The following MIS18A variants were observed in gnomAD, a reference collection of about 807,000 sequenced individuals.
MIS18A encodes protein Mis18-alpha.
A neutral mutation model predicts 25.0 loss-of-function variants in MIS18A; 14 were observed. The observed-to-expected ratio is 0.56, with a 90% CI of 0.37 to 0.88. The LOEUF (loss-of-function observed/expected upper bound fraction) is 0.88, where lower values mean the gene tolerates loss of function less well. MIS18A is among the 40% of genes least tolerant of loss of function. The pLI is 0.00. For synonymous variants in MIS18A, 134 were observed against 118.6 expected, an observed-to-expected ratio of 1.13 and a Z score of -0.84; for missense variants, 292 against 290.8, an observed-to-expected ratio of 1.00 and a Z score of -0.03.
the MIS18A span, among the ~76,000 whole-genome samples, chr21:32,157,521 T>A: frequency 0.062 from 9,104 of 147,080 alleles, 367 homozygotes; most frequent in East Asian, 0.14. Context: ...TATAGTAAAG[T>A]TTTTTTTTGT....
the MIS18A span, among the ~76,000 whole-genome samples, chr21:32,160,922 C>G: frequency 6.6e-6 from 1 of 152,150 alleles, no homozygotes; most frequent in Non-Finnish European, 1.5e-5. Flanking sequence ...TGAGCCCCTG[C>G]GCCCGGCCAG....
At chr21:32,227,457 C>T in the MIS18A span, among the ~76,000 whole-genome samples, 1,663 of 151,524 alleles carry the variant, frequency 0.011, 25 homozygotes, top group African/African-American at 0.037. Flanking sequence ...ATCAGATAAC[C>T]TAGATGAAAC....
the MIS18A span, among the ~76,000 whole-genome samples, chr21:32,171,244 C>G: frequency 6.6e-6 from 1 of 152,016 alleles, no homozygotes; most frequent in African/African-American, 2.4e-5. Context: ...CCTAATGAAT[C>G]TGCAAATAAA....
the MIS18A span, among the ~76,000 whole-genome samples, chr21:32,221,610 T>C: frequency 1.3e-5 from 2 of 151,112 alleles, no homozygotes; most frequent in South Asian, 2.1e-4. Flanking sequence ...CCAGGTGTGG[T>C]GGCTCACACC....
the MIS18A span, among the ~76,000 whole-genome samples, chr21:32,252,254 G>A: frequency 1.9e-5 from 2 of 103,214 alleles, no homozygotes; most frequent in Non-Finnish European, 4.5e-5. Context: ...GGAGGAGGAG[G>A]AGGAGGAGGA....
chr21:32,222,490 T>C, the MIS18A span, among the ~76,000 whole-genome samples: 1 of 152,186 alleles, frequency 6.6e-6, no homozygotes, highest in South Asian at 2.1e-4. Flanking sequence ...AGAATATACA[T>C]TGATCTCAGC....
At chr21:32,277,636 G>A (rs1423855009) in intron 1 of MIS18A, among the ~76,000 whole-genome samples, 1 of 152,036 alleles carries the variant, frequency 6.6e-6, no homozygotes, top group Admixed American at 6.6e-5. Context: ...ATTTTGGCGA[G>A]GCTGATCTGG....
chr21:32,248,540 A>T, the MIS18A span, among the ~76,000 whole-genome samples: 1 of 152,232 alleles, frequency 6.6e-6, no homozygotes, highest in Admixed American at 6.5e-5. Flanking sequence ...ATAGATAAAT[A>T]CGCTGCCTGT....
At chr21:32,257,073 A>G in the MIS18A span, among the ~76,000 whole-genome samples, 1 of 152,192 alleles carries the variant, frequency 6.6e-6, no homozygotes, top group African/African-American at 2.4e-5. Context: ...AGGGGCTGGC[A>G]TCACGGGACT....
the MIS18A span, among the ~76,000 whole-genome samples, chr21:32,202,143 G>T: frequency 6.6e-6 from 1 of 151,838 alleles, no homozygotes; most frequent in Non-Finnish European, 1.5e-5. Flanking sequence ...TAAAAAATTA[G>T]CTGGGCGTGG....
At chr21:32,165,259 G>A in the MIS18A span, among the ~76,000 whole-genome samples, 1 of 152,130 alleles carries the variant, frequency 6.6e-6, no homozygotes, top group Non-Finnish European at 1.5e-5. Context: ...CTTGAACCCA[G>A]GAGGCGGTGA....
chr21:32,274,450 C>CCCA (rs2031773099), intron 2 of MIS18A, among the ~76,000 whole-genome samples: 1 of 152,010 alleles, frequency 6.6e-6, no homozygotes, highest in South Asian at 2.1e-4. Context: ...CGGTGATCTG[C>CCCA]CCACCTTGGC....
chr21:32,248,202 T>C, the MIS18A span, among the ~76,000 whole-genome samples: 1 of 152,204 alleles, frequency 6.6e-6, no homozygotes, highest in African/African-American at 2.4e-5. Flanking sequence ...GTGGGTTTTG[T>C]TACTTGCAAC....
chr21:32,262,507 G>C, the MIS18A span, among the ~76,000 whole-genome samples: 1 of 152,220 alleles, frequency 6.6e-6, no homozygotes, highest in Admixed American at 6.5e-5. Flanking sequence ...TTAATGGAGA[G>C]AAACGTGAAA....
chr21:32,234,031 A>G, the MIS18A span, among the ~76,000 whole-genome samples: 1 of 152,186 alleles, frequency 6.6e-6, no homozygotes, highest in African/African-American at 2.4e-5. Flanking sequence ...CAGAAAAATG[A>G]TATTAAATAA....
the MIS18A span, among the ~76,000 whole-genome samples, chr21:32,249,431 T>C: frequency 9.2e-5 from 14 of 152,216 alleles, no homozygotes; most frequent in African/African-American, 3.4e-4. Context: ...ACACTGTTTG[T>C]GTTTCTATTA....
chr21:32,199,018 C>A, the MIS18A span, among the ~76,000 whole-genome samples: 1 of 151,956 alleles, frequency 6.6e-6, no homozygotes, highest in Non-Finnish European at 1.5e-5. Flanking sequence ...TTCATATGCA[C>A]ATTAAGGTCA....
chr21:32,278,354 GTT>G (rs2123474100), intron 1 of MIS18A: 1 of 363,524 alleles, frequency 2.8e-6, no homozygotes, highest in East Asian at 5.2e-5. Flanking sequence ...TTACAGTCTA[GTT>G]GACCATTTGT....
At chr21:32,269,270 G>A (rs1030099196) in intron 4 of MIS18A, among the ~76,000 whole-genome samples, 153 bp from the exon 5 acceptor site, 2 of 152,036 alleles carry the variant, frequency 1.3e-5, no homozygotes, top group Non-Finnish European at 2.9e-5. Context: ...CTATTTAGAG[G>A]CATAAATTTT....
Sources: gnomAD v4.1 joint callset for allele counts (sites outside exome capture counted in the v4.1 genomes callset) on GRCh38, gnomAD v4.1.1 for gene constraint, MANE v1.5 for transcripts, NCBI Gene and HGNC (gene_info 2026-07-23, HGNC 2026-07-21) for gene names.